Variants in ASMT observed in about 807,000 individuals in gnomAD.
The protein encoded by ASMT is acetylserotonin O-methyltransferase, also known as acetylserotonin N-methyltransferase.
ASMT carries 53 observed loss-of-function variants against 41.3 expected under a neutral mutation model. The ratio of observed to expected loss-of-function variants is 1.28; its 90% CI spans 1.03 to 1.61. The LOEUF is 1.61. Ranked by LOEUF, ASMT falls within the 40% of genes most tolerant of loss-of-function variation. The pLI is 0.00. For missense variants in ASMT, 531 were observed against 441.3 expected (o/e 1.20, Z -1.82); for synonymous variants, 231 against 184.8 (o/e 1.25, Z -2.03).
rs1934966898 is a variant in ASMT at position 1,636,443 on chromosome X, T to G, written c.793T>G (p.Phe265Val). The G allele has an allele frequency of 6.2e-6, 10 of 1,613,758 alleles. No homozygotes were observed. Among genetic ancestry groups the G allele is most frequent in the African/African-American group, 1.3e-5 (1 of 74,878 alleles). Residue 265 changes from phenylalanine (F) to valine (V), a missense_variant, in exon 8 of 9, where the codon TTC (phenylalanine) becomes GTC (valine). Transcript: ENST00000381241. Reference sequence around the variant, plus strand: ...GTGCCTGCCCTGTGTTCCAGGGGATTTCTTCAAAGACCCTCTTCCGGAAGC... The same window carrying G: ...GTGCCTGCCCTGTGTTCCAGGGGATGTCTTCAAAGACCCTCTTCCGGAAGC... ...EEQIDFQEGD[F>V]FKDPLPEADL...
chrX:1,637,124 A>C lies in ASMT; in HGVS notation c.910+564A>C, dbSNP rs1342710501. Reference sequence around the variant, plus strand: ...CCCAGCTCTCCTGTGAGGTCCACCCATCCTGATGCTTCACGAGGACGTGGG... The same window carrying C: ...CCCAGCTCTCCTGTGAGGTCCACCCCTCCTGATGCTTCACGAGGACGTGGG... On this transcript the variant is annotated intron_variant, in intron 8 of 8. Transcript: ENST00000381241. Among the ~76,000 whole-genome samples the C allele has an allele frequency of 7.4e-3, 815 of 109,634 alleles. 5 individuals are homozygous for C. Among genetic ancestry groups the C allele is most frequent in the Non-Finnish European group, 0.013 (643 of 51,200 alleles). 71.9% of individuals were successfully genotyped at this position (109,634 alleles called of 152,430 possible). A position where few individuals can be genotyped will look rare whatever the true frequency, so the allele number is the denominator to read the frequency against.
chrX:1,641,824 G>C (rs1368114777), intron 8 of ASMT, among the ~76,000 whole-genome samples: 6 of 146,842 alleles, frequency 4.1e-5, no homozygotes, highest in African/African-American at 1.3e-4. Context: ...CATCTTGATG[G>C]TTCATGAGGA....
chrX:1,628,454 T>G (rs774085665), intron 4 of ASMT, among the ~76,000 whole-genome samples: 2 of 152,294 alleles, frequency 1.3e-5, no homozygotes, highest in Admixed American at 1.3e-4. Context: ...CCGAAGCTCT[T>G]ACCTAGAATT....
intron 3 of ASMT, among the ~76,000 whole-genome samples, chrX:1,625,178 C>T (rs761335975): frequency 1.3e-5 from 2 of 150,252 alleles, no homozygotes; most frequent in Non-Finnish European, 3.0e-5. Flanking sequence ...CATCTCGGCT[C>T]ATTGCAAGCT....
intron 2 of ASMT, 40 bp downstream of exon 2, chrX:1,623,353 A>G (rs1263021722): frequency 6.2e-7 from 1 of 1,611,286 alleles, no homozygotes; most frequent in East Asian, 2.2e-5. Flanking sequence ...TTTTACATAG[A>G]CACCCTCTGC....
Position 1,633,172 on chromosome X carries a change from G to T in ASMT, c.669G>T (p.Lys223Asn), listed in dbSNP as rs763100025. The change falls in exon 7 of 9, where the codon AAG becomes AAT. Residue 223 changes from lysine (K) to asparagine (N), a missense_variant. Transcript: ENST00000381241. ...SLIGGAGALA[K>N]ECMSLYPGCK... is the part of the protein sequence containing the mutation. ...CAGGTGGGGCTGGAGCTCTGGCTAA[G>T]GAATGCATGTCTCTGTACCCTGGAT... The T allele has an allele frequency of 3.7e-6, 6 of 1,613,886 alleles. No individual in the cohort carries two copies. The highest frequency in any genetic ancestry group is 5.1e-6 in the Non-Finnish European group (6 of 1,179,864).
At chrX:1,642,649 A>G (rs1192855218) in intron 8 of ASMT, 154 bp from the exon 9 acceptor site, 4 of 167,848 alleles carry the variant, frequency 2.4e-5, no homozygotes, top group East Asian at 2.2e-4. Flanking sequence ...CATCCTGATG[A>G]TCGATGAGGA....
intron 8 of ASMT, among the ~76,000 whole-genome samples, chrX:1,641,683 C>CTGTGTG (rs1233704657): frequency 2.7e-5 from 4 of 146,248 alleles, no homozygotes; most frequent in Non-Finnish European, 6.0e-5. Flanking sequence ...GACACAGCCT[C>CTGTGTG]TCTGTGTGAG....
chrX:1,642,403 T>C lies in ASMT; in HGVS notation c.911-400T>C, dbSNP rs1461465797. Among the ~76,000 whole-genome samples, 6 of 150,300 alleles carry C rather than the reference T, an allele frequency of 4.0e-5. No homozygotes were observed. In the East Asian group the frequency reaches 9.9e-4, roughly 25 times the overall value. Reference sequence around the variant, plus strand: ...CTGTGAGGTCCACCCATCCTGATGGTTCATGAGGACGTGGGCTCAGCCTCT... The same window carrying C: ...CTGTGAGGTCCACCCATCCTGATGGCTCATGAGGACGTGGGCTCAGCCTCT... On this transcript the variant is annotated intron_variant, in intron 8 of 8. Coordinates refer to ENST00000381241, the MANE Select transcript of ASMT (RefSeq NM_001171038.2).
intron 1 of ASMT, among the ~76,000 whole-genome samples, chrX:1,620,682 C>G (rs190012998): frequency 6.6e-6 from 1 of 151,880 alleles, no homozygotes; most frequent in Admixed American, 6.6e-5. Flanking sequence ...AGGCAGATCA[C>G]GAGGTCAGGA....
At chrX:1,615,403 A>ATT in intron 1 of ASMT, 135 bp downstream of exon 1, 1 of 918,150 alleles carries the variant, frequency 1.1e-6, no homozygotes, top group Middle Eastern at 2.5e-4. Flanking sequence ...AAAGACGTAC[A>ATT]CCCACGATGT....
chrX:1,629,611 A>G (rs1334882801), intron 4 of ASMT, among the ~76,000 whole-genome samples: 1 of 152,170 alleles, frequency 6.6e-6, no homozygotes, highest in African/African-American at 2.4e-5. Context: ...GTTCTGAATC[A>G]ACTCCAGGTT....
intron 1 of ASMT, among the ~76,000 whole-genome samples, chrX:1,616,068 A>T (rs138857040): frequency 6.6e-6 from 1 of 151,140 alleles, no homozygotes; most frequent in Non-Finnish European, 1.5e-5. Flanking sequence ...TCACTCTGTA[A>T]CCCAGGCTGG....
chrX:1,618,875 G>A (rs1223055144), intron 1 of ASMT, among the ~76,000 whole-genome samples: 1 of 152,184 alleles, frequency 6.6e-6, no homozygotes, highest in Non-Finnish European at 1.5e-5. Context: ...CTGGTTCACA[G>A]CGGTGTTCAG....
rs751625765 is a variant in ASMT, at chrX:1,636,512, G to C, written c.862G>C (p.Gly288Arg). Residue 288 changes from glycine (G) to arginine (R), a missense_variant, in exon 8 of 9, where the codon GGA becomes CGA. Coordinates refer to ENST00000381241, the MANE Select transcript of ASMT (RefSeq NM_001171038.2). Reference sequence around the variant, plus strand: ...CAGGGTCCTCCATGACTGGGCAGACGGAAAGTGCTCACACCTGCTGGAGAG... The same window carrying C: ...CAGGGTCCTCCATGACTGGGCAGACCGAAAGTGCTCACACCTGCTGGAGAG... ...LARVLHDWAD[G>R]KCSHLLERIY... The C allele has an allele frequency of 2.5e-6, 4 of 1,613,906 alleles. No homozygotes were observed. Among genetic ancestry groups the C allele is most frequent in the Non-Finnish European group, 2.5e-6 (3 of 1,179,866 alleles).
chrX:1,616,903 T>G (rs1934148862), intron 1 of ASMT, among the ~76,000 whole-genome samples: 1 of 150,522 alleles, frequency 6.6e-6, no homozygotes, highest in Non-Finnish European at 1.5e-5. Context: ...AGAGACGGGG[T>G]TTCACCGTGT....
chrX:1,623,085 CTG>C (rs1245342986), intron 1 of ASMT, 52 bp from the exon 2 acceptor site: 10 of 1,596,030 alleles, frequency 6.3e-6, no homozygotes, highest in African/African-American at 2.7e-5. Context: ...GTTTCTAAGA[CTG>C]TGGTTCCCAG....
At chrX:1,626,551 T>C (rs1934555937) in intron 3 of ASMT, among the ~76,000 whole-genome samples, 1 of 152,080 alleles carries the variant, frequency 6.6e-6, no homozygotes, top group African/African-American at 2.4e-5. Flanking sequence ...TTCTTCTTTA[T>C]CTGTGATGGG....
intron 4 of ASMT, 58 bp from the exon 5 acceptor site, chrX:1,629,763 T>C (rs1414551302): frequency 1.3e-6 from 2 of 1,510,404 alleles, no homozygotes; most frequent in East Asian, 4.5e-5. Context: ...TGTACACCCT[T>C]GCTCTGGGCA....
Sources: allele counts gnomAD v4.1 joint callset (sites outside exome capture counted in the v4.1 genomes callset), GRCh38; gene constraint gnomAD v4.1.1; transcripts MANE v1.5; gene names NCBI Gene and HGNC (gene_info 2026-07-23, HGNC 2026-07-21).